COL20A1: variants seen among roughly 807,000 people sequenced by gnomAD.
COL20A1 encodes the protein collagen type XX alpha 1 chain, also known as collagen alpha-1(XX) chain.
In COL20A1, 164 loss-of-function variants were observed where a neutral mutation model predicts 152.9. The ratio of observed to expected loss-of-function variants is 1.07; its 90% CI spans 0.94 to 1.22. The LOEUF is 1.22. COL20A1 is among the 50% of genes most tolerant of loss of function. COL20A1 has a pLI of 0.00. For synonymous variants in COL20A1, 864 were observed against 756.0 expected (o/e 1.14, Z -2.34); for missense variants, 1,873 against 1,744.8 (o/e 1.07, Z -1.31).
rs1388412754 is a variant in COL20A1, at chr20:63,305,051, G to GC, written c.194-362dup. Reference sequence around the variant, plus strand: ...GCCTGTGGGAGTGGGCAGGGCCCTGGCCCCGGACTCTTCCTTCTTGGACCT... The same window carrying GC: ...GCCTGTGGGAGTGGGCAGGGCCCTGGCCCCCGGACTCTTCCTTCTTGGACCT... On this transcript the variant is annotated intron_variant, in intron 3 of 35. Transcript: ENST00000358894. The surrounding 1 kb of genome is among the most constrained non-coding windows in gnomAD (Gnocchi z 4.9). Among the ~76,000 whole-genome samples the GC allele has an allele frequency of 1.3e-5, 2 of 152,150 alleles. No homozygotes were observed. The highest frequency in any genetic ancestry group is 2.4e-5 in the African/African-American group (1 of 41,418).
chr20:63,312,465 T>C lies in COL20A1; in HGVS notation c.1849T>C (p.Ser617Pro), dbSNP rs2068021566. Reference sequence around the variant, plus strand: ...CACCTCGGCCACGCTGGGGCCTCTCTCTTCCTCCACCACCTACACTGTCCG... The same window carrying C: ...CACCTCGGCCACGCTGGGGCCTCTCCCTTCCTCCACCACCTACACTGTCCG... Reference protein sequence around the residue: ...NATSATLGPLSSSTTYTVRVT... With the variant: ...NATSATLGPLPSSTTYTVRVT... Residue 617 changes from serine (S) to proline (P), a missense_variant, in exon 15 of 36, where the codon TCT becomes CCT. Transcript: ENST00000358894. The C allele has an allele frequency of 6.2e-7, 1 of 1,608,124 alleles. No homozygotes were observed. The highest frequency in any genetic ancestry group is 1.3e-5 in the African/African-American group (1 of 74,914).
intron 6 of COL20A1, 102 bp downstream of exon 6, chr20:63,307,750 C>A: frequency 1.5e-6 from 2 of 1,368,984 alleles, no homozygotes; most frequent in South Asian, 1.4e-5. Context: ...CCAGCCAGGG[C>A]TCTCACCTTG....
At chr20:63,329,068 G>A (rs566329694) in intron 34 of COL20A1, 10 of 169,026 alleles carry the variant, frequency 5.9e-5, no homozygotes, top group South Asian at 4.6e-4. Flanking sequence ...CCAGCCAGAC[G>A]AGGACTGAGT....
intron 27 of COL20A1, among the ~76,000 whole-genome samples, chr20:63,322,638 G>A (rs796246221): frequency 8.5e-5 from 13 of 152,358 alleles, no homozygotes; most frequent in African/African-American, 2.9e-4. Flanking sequence ...CGCGCCCAGC[G>A]ATGGCAGCAG....
intron 7 of COL20A1, among the ~76,000 whole-genome samples, chr20:63,308,336 G>A (rs946306371): frequency 6.6e-6 from 1 of 152,230 alleles, no homozygotes; most frequent in African/African-American, 2.4e-5. Context: ...GGCCCAGTCT[G>A]GGTGCTCACC....
At chr20:63,327,216 C>T (rs1011723908) in intron 31 of COL20A1, 3 of 196,642 alleles carry the variant, frequency 1.5e-5, no homozygotes, top group African/African-American at 4.7e-5. Context: ...TCCTGTTGAC[C>T]GCTCAGAGAC....
chr20:63,298,203 A>G (rs1171962528), intron 3 of COL20A1, among the ~76,000 whole-genome samples, 183 bp downstream of exon 3: 2 of 152,234 alleles, frequency 1.3e-5, no homozygotes, highest in Non-Finnish European at 2.9e-5. Context: ...ATGACATGGA[A>G]GAGGGAATGG....
rs1006210061 is a variant in COL20A1 at position 63,307,559 on chromosome 20, G to A, written c.566G>A (p.Ser189Asn). 1 of 1,612,702 alleles carries A rather than the reference G, an allele frequency of 6.2e-7. No individual in the cohort carries two copies. The highest frequency in any genetic ancestry group is 8.5e-7 in the Non-Finnish European group (1 of 1,179,748). Residue 189 changes from serine to asparagine, a missense_variant, in exon 6 of 36, where the codon AGC (serine) becomes AAC (asparagine). Transcript: ENST00000358894. ...DMVFLVDGSWSIGHSHFQQVK... is the reference protein window; with the variant it reads ...DMVFLVDGSWNIGHSHFQQVK... ...GTCTTCCTGGTGGACGGGTCCTGGAGCATTGGCCACAGTCACTTCCAGCAG... is the reference window on the plus strand; with the variant it reads ...GTCTTCCTGGTGGACGGGTCCTGGAACATTGGCCACAGTCACTTCCAGCAG...
At position 63,305,470 on chromosome 20, in the gene COL20A1, G is replaced by A; in HGVS notation, c.247G>A (p.Gly83Arg). The A allele has an allele frequency of 6.2e-7, 1 of 1,603,732 alleles. No homozygotes were observed. The change falls in exon 4 of 36, where the codon GGG becomes AGG. Residue 83 changes from glycine (G) to arginine (R), a missense_variant. Coordinates refer to ENST00000358894, the MANE Select transcript of COL20A1 (RefSeq NM_020882.4). This position sits in a 1 kb window ranked among gnomAD's most constrained non-coding sequence, Gnocchi z 4.9. ...LTTKTPKATV[G>R]GLSPSKGYTL... ...CACCAAGACCCCTAAGGCCACAGTGGGGGGCCTGAGCCCCTCCAAGGGCTA... is the reference window on the plus strand; with the variant it reads ...CACCAAGACCCCTAAGGCCACAGTGAGGGGCCTGAGCCCCTCCAAGGGCTA...
intron 14 of COL20A1, among the ~76,000 whole-genome samples, 166 bp from the exon 15 acceptor site, chr20:63,312,254 G>T (rs758676166): frequency 6.6e-6 from 1 of 152,130 alleles, no homozygotes. Flanking sequence ...CACCCCAGCC[G>T]TCCTGCAGTT....
At chr20:63,310,775 G>A (rs1189574723) in intron 11 of COL20A1, among the ~76,000 whole-genome samples, 3 of 152,118 alleles carry the variant, frequency 2.0e-5, no homozygotes, top group Non-Finnish European at 4.4e-5. Context: ...TGTCCACAGT[G>A]TTCATGGAGC....
rs1161009531 is a variant in COL20A1 at position 63,332,257 on chromosome 20, G to A, written c.*1541G>A. 6.6e-6 allele frequency: 1 copy of A among 152,378 alleles called. No individual in the cohort carries two copies. Among genetic ancestry groups the A allele is most frequent in the Non-Finnish European group, 1.5e-5 (1 of 68,150 alleles). The allele number at this position is 152,378 out of a possible 1,614,324, so 9.4% of individuals were successfully genotyped here. A position where few individuals can be genotyped will look rare whatever the true frequency, so the allele number is the denominator to read the frequency against. Reference sequence around the variant, plus strand: ...GTTATAGCCTTCAGTGCAGGTATCAGACACAGTTGTTGAGAGCAGCAGCCC... The same window carrying A: ...GTTATAGCCTTCAGTGCAGGTATCAAACACAGTTGTTGAGAGCAGCAGCCC... On this transcript the variant is annotated 3_prime_UTR_variant, in exon 36 of 36. Transcript: ENST00000358894.
intron 1 of COL20A1, among the ~76,000 whole-genome samples, chr20:63,294,466 T>C (rs2067760779): frequency 6.6e-6 from 1 of 151,914 alleles, no homozygotes; most frequent in African/African-American, 2.4e-5. Context: ...GTCCTCCTTG[T>C]AGCCCACTCA....
chr20:63,304,750 A>C (rs112191691), intron 3 of COL20A1, among the ~76,000 whole-genome samples: 61 of 151,366 alleles, frequency 4.0e-4, no homozygotes, highest in Admixed American at 3.9e-3. Flanking sequence ...GAGGTGTGCA[A>C]GTGTGGATTT....
Position 63,308,671 on chromosome 20 carries a change from TC to T in COL20A1, c.907del (p.Leu303SerfsTer6). 6.2e-7 allele frequency: 1 copy of T among 1,607,406 alleles called. No homozygotes were observed. Among genetic ancestry groups the T allele is most frequent in the South Asian group, 1.1e-5 (1 of 90,036 alleles). ...GACGATGTGCACACTGCTGCCCGTG[TC>T]CTCAAGGACCTGGGCGTGAACGTCT... The part of the protein sequence containing the change: ...SQDDVHTAAR[V>X]LKDLGVNVFA... On this transcript the variant is annotated frameshift_variant, in exon 8 of 36. Coordinates refer to ENST00000358894, the MANE Select transcript of COL20A1 (RefSeq NM_020882.4). LOFTEE classifies it high-confidence loss of function.
intron 3 of COL20A1, among the ~76,000 whole-genome samples, chr20:63,303,901 A>C (rs1315017521): frequency 7.1e-6 from 1 of 141,604 alleles, no homozygotes; most frequent in Non-Finnish European, 1.5e-5. Flanking sequence ...TTCTCCCTGC[A>C]GGTGTGCAGG....
At chr20:63,317,638 C>T (rs1218991437) in intron 21 of COL20A1, among the ~76,000 whole-genome samples, 7 of 152,122 alleles carry the variant, frequency 4.6e-5, no homozygotes, top group African/African-American at 9.7e-5. Context: ...GTGCTATGCT[C>T]GGCCCTGGCC....
At chr20:63,309,683 G>T in intron 9 of COL20A1, 75 bp from the exon 10 acceptor site, 2 of 1,376,532 alleles carry the variant, frequency 1.5e-6, no homozygotes, top group East Asian at 5.1e-5. Context: ...CCTCCTGTGA[G>T]TGGCCACCAG....
rs116380821 is a variant in COL20A1 at position 63,319,142 on chromosome 20, C to T, written c.2748C>T (p.Phe916=). 1,400 of 1,613,106 alleles carry T rather than the reference C, an allele frequency of 8.7e-4. 8 individuals are homozygous for T. In the African/African-American group the frequency reaches 0.012, roughly 14 times the overall value. The change falls in exon 22 of 36, where the codon TTC becomes TTT. Residue 916 remains phenylalanine (F), a synonymous_variant. Transcript: ENST00000358894. The surrounding 1 kb of genome is among the most constrained non-coding windows in gnomAD (Gnocchi z 4.4). ...TTCCCGAGACACCCCGTGAGGCCTT[C>T]GCGCTGTGGCAGATGACAGCCGAGG... ...RLLPETPREA[F]ALWQMTAEDF...
Sources: allele counts gnomAD v4.1 joint callset (sites outside exome capture counted in the v4.1 genomes callset), GRCh38; gene constraint gnomAD v4.1.1; non-coding constraint Gnocchi (gnomAD v3.1); transcripts MANE v1.5; gene names NCBI Gene and HGNC (gene_info 2026-07-23, HGNC 2026-07-21).